The following C6orf163 variants were observed in gnomAD, a reference collection of about 807,000 sequenced individuals.
The protein encoded by C6orf163 is chromosome 6 open reading frame 163.
Under a neutral mutation model 28.4 loss-of-function variants are expected in C6orf163, and 22 were observed. The observed-to-expected ratio is 0.78, with a 90% confidence interval of 0.55 to 1.11. The LOEUF (loss-of-function observed/expected upper bound fraction) is 1.11, where lower values mean the gene tolerates loss of function less well. C6orf163 is among the 50% of genes least tolerant of loss of function. C6orf163 has a pLI of 0.00. For synonymous variants in C6orf163, 110 were observed against 123.6 expected (o/e 0.89, Z 0.73); for missense variants, 342 against 389.1 (o/e 0.88, Z 1.02).
chr6:87,358,662 G>A (rs1220936658), intron 4 of C6orf163: 1 of 152,066 alleles, frequency 6.6e-6, no homozygotes, highest in Non-Finnish European at 1.5e-5. Context: ...CCAAGGCAAG[G>A]CATGAATGAA....
In C6orf163 at chr6:87,348,921, A is replaced by G. The variant is rs908138493; in HGVS notation, c.243+15A>G. Reference sequence around the variant, plus strand: ...TATGGGCTCAGGTAAAAGAAGTTACATGTCAACCTAAAGTCCATCTTTACC... The same window carrying G: ...TATGGGCTCAGGTAAAAGAAGTTACGTGTCAACCTAAAGTCCATCTTTACC... On this transcript the variant is annotated intron_variant, in intron 2 of 4. Coordinates refer to ENST00000388923, the MANE Select transcript of C6orf163 (RefSeq NM_001010868.3). The G allele has an allele frequency of 2.0e-6, 3 of 1,536,296 alleles. No individual in the cohort carries two copies. The highest frequency in any genetic ancestry group is 1.7e-6 in the Non-Finnish European group (2 of 1,146,700).
chr6:87,361,166 T>C (rs1292904015), intron 4 of C6orf163, among the ~76,000 whole-genome samples: 1 of 152,092 alleles, frequency 6.6e-6, no homozygotes, highest in Non-Finnish European at 1.5e-5. Context: ...ATGCCTGTAG[T>C]CTCAGCTATT....
At chr6:87,362,625 G>A (rs1409426969) in intron 4 of C6orf163, among the ~76,000 whole-genome samples, 2 of 152,164 alleles carry the variant, frequency 1.3e-5, no homozygotes, top group South Asian at 4.1e-4. Context: ...TAGCTTAGTT[G>A]GTGGGAAAAG....
At chr6:87,358,632 G>T (rs184235515) in intron 4 of C6orf163, 1 of 151,870 alleles carries the variant, frequency 6.6e-6, no homozygotes, top group Non-Finnish European at 1.5e-5. Context: ...TGTTTGTAAA[G>T]GTTCTAATTG....
intron 1 of C6orf163, among the ~76,000 whole-genome samples, chr6:87,345,601 G>GT (rs1777310198): frequency 6.6e-6 from 1 of 152,122 alleles, no homozygotes; most frequent in Admixed American, 6.6e-5. Flanking sequence ...TTCAGTATGT[G>GT]TAGGAGAGGA....
chr6:87,346,651 G>A (rs1461969530), intron 1 of C6orf163, among the ~76,000 whole-genome samples: 2 of 152,086 alleles, frequency 1.3e-5, no homozygotes, highest in South Asian at 4.1e-4. Context: ...TTCATAGGAC[G>A]ATAGTTCTCA....
intron 3 of C6orf163, among the ~76,000 whole-genome samples, chr6:87,355,561 A>G (rs75229090): frequency 6.6e-6 from 1 of 151,218 alleles, no homozygotes; most frequent in African/African-American, 2.4e-5. Flanking sequence ...AACCTGTCTC[A>G]AAAAAAAACA....
At chr6:87,362,589 A>G (rs1406050651) in intron 4 of C6orf163, among the ~76,000 whole-genome samples, 1 of 152,216 alleles carries the variant, frequency 6.6e-6, no homozygotes, top group Non-Finnish European at 1.5e-5. Context: ...CTCAATAATC[A>G]TTACCCCTGT....
chr6:87,353,599 C>T (rs1180504397), intron 3 of C6orf163, among the ~76,000 whole-genome samples: 2 of 152,026 alleles, frequency 1.3e-5, no homozygotes, highest in Non-Finnish European at 2.9e-5. Flanking sequence ...AATATTGATT[C>T]ATATAGGAAT....
At chr6:87,357,672 A>T (rs2127934076) in intron 4 of C6orf163, 1 of 152,376 alleles carries the variant, frequency 6.6e-6, no homozygotes, top group South Asian at 2.1e-4. Context: ...AATGCACTGG[A>T]AGGTGGATCC....
rs138386886 is a variant in C6orf163, at chr6:87,351,006, A to G, written c.351+505A>G. ...TTGCATCCTTTTTTCTAAATTTTGC[A>G]TTTACTGTACTGCTAAGAGGGACAT... On this transcript the variant is annotated intron_variant, in intron 3 of 4. Transcript: ENST00000388923. 1.7e-4 allele frequency among the ~76,000 whole-genome samples: 26 copies of G among 152,238 alleles called. No homozygotes were observed. The East Asian group carries it at 5.0e-3, about 29-fold the overall frequency.
intron 3 of C6orf163, among the ~76,000 whole-genome samples, chr6:87,353,521 C>A (rs1047438614): frequency 1.3e-5 from 2 of 151,542 alleles, no homozygotes; most frequent in South Asian, 4.2e-4. Context: ...CCTATTGACA[C>A]TGGCTTTTTT....
chr6:87,360,123 T>C (rs1777560111), intron 4 of C6orf163, among the ~76,000 whole-genome samples: 1 of 152,194 alleles, frequency 6.6e-6, no homozygotes, highest in Non-Finnish European at 1.5e-5. Context: ...CTGGCCCTGC[T>C]CCTCCTCTGT....
intron 1 of C6orf163, among the ~76,000 whole-genome samples, chr6:87,346,236 T>C (rs1231230388): frequency 1.3e-5 from 2 of 152,106 alleles, no homozygotes; most frequent in Admixed American, 6.5e-5. Flanking sequence ...ACTCCTGATA[T>C]TTGAAAATAT....
At chr6:87,348,381 A>G (rs116361729) in intron 1 of C6orf163, 20,577 of 987,676 alleles carry the variant, frequency 0.021, 243 homozygotes, top group Non-Finnish European at 0.023. Context: ...CATGCTAAAG[A>G]AAGGCATGTA....
chr6:87,365,432 A>C lies in C6orf163; in HGVS notation c.*36A>C, dbSNP rs956006661. ...TTGAAATTCCACTACAAAAGACATC[A>C]TTCCAGACTAAATAAATTTACTCAA... On this transcript the variant is annotated 3_prime_UTR_variant, in exon 5 of 5. Transcript: ENST00000388923. The C allele has an allele frequency of 2.2e-5, 28 of 1,270,916 alleles. No homozygotes were observed. The Admixed American group carries it at 7.1e-4, about 32-fold the overall frequency. The allele number at this position is 1,270,916 out of a possible 1,614,324, so 78.7% of individuals were successfully genotyped here.
At chr6:87,349,389 A>C (rs777826556) in intron 2 of C6orf163, among the ~76,000 whole-genome samples, 52 of 151,922 alleles carry the variant, frequency 3.4e-4, no homozygotes, top group Non-Finnish European at 6.9e-4. Context: ...ATTATGGCCT[A>C]CTCCCCTTTT....
chr6:87,361,776 T>TC (rs1358584787), intron 4 of C6orf163, among the ~76,000 whole-genome samples: 2 of 152,180 alleles, frequency 1.3e-5, no homozygotes, highest in Non-Finnish European at 2.9e-5. Context: ...TTCCTCTTTT[T>TC]CCCACTTCTC....
rs752854622 is a variant in C6orf163, at chr6:87,365,340, A to G, written c.934A>G (p.Arg312Gly). The G allele has an allele frequency of 5.8e-6, 9 of 1,550,954 alleles. No homozygotes were observed. The highest frequency in any genetic ancestry group is 2.4e-5 in the East Asian group (1 of 40,918). Residue 312 changes from arginine (R) to glycine (G), a missense_variant, in exon 5 of 5, where the codon AGA becomes GGA. Physicochemically the swap from Arg to Gly is moderately radical, Grantham distance 125. Coordinates refer to ENST00000388923, the MANE Select transcript of C6orf163 (RefSeq NM_001010868.3). The stretch of plus-strand genomic sequence containing the variant: ...ACATGCAGATTTTATTCTGCCAGAA[A>G]GAAAGAAAACACCTTCTAATCTTGT... The part of the protein sequence containing the change: ...PGHADFILPE[R>G]KKTPSNLVIK...
Sources: gnomAD v4.1 joint callset for allele counts (sites outside exome capture counted in the v4.1 genomes callset) on GRCh38, gnomAD v4.1.1 for gene constraint, MANE v1.5 for transcripts, NCBI Gene and HGNC (gene_info 2026-07-23, HGNC 2026-07-21) for gene names.